The following PDLIM3 variants were observed in gnomAD, a reference collection of about 807,000 sequenced individuals.
PDLIM3 encodes the protein PDZ and LIM domain protein 3.
In PDLIM3, 36 loss-of-function variants were observed where a neutral mutation model predicts 37.3. The observed-to-expected ratio is 0.97, with a 90% CI of 0.74 to 1.28. The LOEUF (loss-of-function observed/expected upper bound fraction) is 1.28, where lower values mean the gene tolerates loss of function less well. Ranked by LOEUF, PDLIM3 falls within the 50% of genes most tolerant of loss-of-function variation. PDLIM3 has a pLI of 0.00. For missense variants in PDLIM3, 454 were observed against 485.0 expected (o/e 0.94, Z 0.60); for synonymous variants, 174 against 182.4 (o/e 0.95, Z 0.37).
intron 5 of PDLIM3, among the ~76,000 whole-genome samples, chr4:185,507,256 AT>A (rs2095699212): frequency 1.3e-5 from 2 of 152,216 alleles, no homozygotes; most frequent in Admixed American, 6.5e-5. Flanking sequence ...ACATTTTTAT[AT>A]CTGCTATAAC....
intron 1 of PDLIM3, among the ~76,000 whole-genome samples, chr4:185,532,270 T>C (rs980073533): frequency 6.6e-6 from 1 of 152,234 alleles, no homozygotes; most frequent in Non-Finnish European, 1.5e-5. Context: ...CTACAACACA[T>C]ATGCTCTACT....
At position 185,504,544 on chromosome 4, in the gene PDLIM3, G is replaced by T. The variant is rs150070443; in HGVS notation, c.836C>A (p.Thr279Lys). 4.3e-6 allele frequency: 7 copies of T among 1,613,998 alleles called. No individual in the cohort carries two copies. Among genetic ancestry groups the T allele is most frequent in the Non-Finnish European group, 5.9e-6 (7 of 1,180,028 alleles). ...AGTRSVRAPV[T>K]KVHGGSGGAQ... ...CCCGCCTGAACCGCCATGGACTTTC[G>T]TCACCGGAGCTCTCACACTCCGCGT... Residue 279 changes from threonine (T) to lysine (K), a missense_variant, in exon 7 of 8, where the codon ACG becomes AAG. Transcript: ENST00000284767. This position sits in a 1 kb window ranked among gnomAD's most constrained non-coding sequence, Gnocchi z 4.7.
At chr4:185,529,056 T>C (rs959446096) in intron 1 of PDLIM3, among the ~76,000 whole-genome samples, 5 of 152,128 alleles carry the variant, frequency 3.3e-5, no homozygotes, top group African/African-American at 1.2e-4. Context: ...TTTATTTAGG[T>C]TCATTAGGGT....
At position 185,501,979 on chromosome 4, in the gene PDLIM3, T is replaced by G. The variant is rs1212271246; in HGVS notation, c.*315A>C. On this transcript the variant is annotated 3_prime_UTR_variant, in exon 8 of 8. Transcript: ENST00000284767. Reference sequence around the variant, plus strand: ...GACAATTAGAGTCCTTCAAATATCTTGATGTTTATGTGTTTGATGGCTGTA... The same window carrying G: ...GACAATTAGAGTCCTTCAAATATCTGGATGTTTATGTGTTTGATGGCTGTA... The G allele has an allele frequency of 7.6e-6, 3 of 397,318 alleles. No homozygotes were observed. The highest frequency in any genetic ancestry group is 1.4e-5 in the Non-Finnish European group (3 of 211,378). The allele number at this position is 397,318 out of a possible 1,614,324, so 24.6% of individuals were successfully genotyped here.
chr4:185,513,953 A>G, intron 4 of PDLIM3: 1 of 1,238,352 alleles, frequency 8.1e-7, no homozygotes, highest in Non-Finnish European at 1.0e-6. Flanking sequence ...GACCTGGGAT[A>G]GACATACTGA....
At chr4:185,506,164 T>A (rs2095696661) in intron 6 of PDLIM3, among the ~76,000 whole-genome samples, 1 of 152,232 alleles carries the variant, frequency 6.6e-6, no homozygotes. Flanking sequence ...GAGCATTGTT[T>A]AGTTTTTGAT....
chr4:185,508,493 A>G lies in PDLIM3; in HGVS notation c.468T>C (p.Val156=). 1 of 1,614,146 alleles carries G rather than the reference A, an allele frequency of 6.2e-7. No homozygotes were observed. ...TCAAGTCACCTGGGCAAATGGTACT[A>G]ACAGTACTGACAGAAGAAGGGGTGC... ...GRSTPSSVST[V]STICPGDLKV... is the part of the protein sequence containing the mutation. The change falls in exon 5 of 8, where the codon GTT becomes GTC. Residue 156 remains valine, a synonymous_variant. Transcript: ENST00000284767.
chr4:185,524,250 A>G (rs2095728778), intron 2 of PDLIM3, among the ~76,000 whole-genome samples: 1 of 152,184 alleles, frequency 6.6e-6, no homozygotes, highest in African/African-American at 2.4e-5. Context: ...CGGCATGAAC[A>G]CAGGTTATGC....
chr4:185,514,361 G>A lies in PDLIM3; in HGVS notation c.331-24C>T, dbSNP rs1418246432. 6.2e-7 allele frequency: 1 copy of A among 1,614,088 alleles called. No homozygotes were observed. Among genetic ancestry groups the A allele is most frequent in the Non-Finnish European group, 8.5e-7 (1 of 1,180,016 alleles). ...TCCTGTGAAAACAAAGCGTTAAAAA[G>A]GCCCTCAGTGGAAGGCGGACACTGT... On this transcript the variant is annotated intron_variant, in intron 3 of 7. Transcript: ENST00000284767. This position sits in a 1 kb window ranked among gnomAD's most constrained non-coding sequence, Gnocchi z 4.0.
Position 185,523,361 on chromosome 4 carries a change from CCTGTGGTTCTGATT to C in PDLIM3, c.317_330del (p.Glu106GlyfsTer6), listed in dbSNP as rs1340581554. On this transcript the variant is annotated frameshift_variant and splice_region_variant, in exon 3 of 8. Coordinates refer to ENST00000284767, the MANE Select transcript of PDLIM3 (RefSeq NM_014476.6). LOFTEE classifies it high-confidence loss of function. Reference sequence around the variant, plus strand: ...TGTATCATTTGCTCTAAAACGCATACCTGTGGTTCTGATTCTAAGTTGATTTTGAAAGGATGGGC... The same window carrying C: ...TGTATCATTTGCTCTAAAACGCATACCTAAGTTGATTTTGAAAGGATGGGC... 10 of 1,597,680 alleles carry C rather than the reference CCTGTGGTTCTGATT, an allele frequency of 6.3e-6. No individual in the cohort carries two copies. The highest frequency in any genetic ancestry group is 8.6e-6 in the Non-Finnish European group (10 of 1,165,436).
chr4:185,517,413 AGAATT>A (rs1224158993), intron 3 of PDLIM3: 2 of 141,404 alleles, frequency 1.4e-5, no homozygotes, highest in African/African-American at 5.2e-5. Context: ...CTTTGTAAAT[AGAATT>A]GAATTAATAA....
Position 185,514,703 on chromosome 4 carries a change from T to C in PDLIM3, c.331-366A>G, listed in dbSNP as rs1394522831. On this transcript the variant is annotated intron_variant, in intron 3 of 7. Transcript: ENST00000284767. This position sits in a 1 kb window ranked among gnomAD's most constrained non-coding sequence, Gnocchi z 4.0. ...GGCCAGAACAGAGCCGGATACTTAC[T>C]TTTGAGGTGAGCTAGGAATGAGACC... 6.4e-7 allele frequency: 1 copy of C among 1,551,648 alleles called. No homozygotes were observed. The highest frequency in any genetic ancestry group is 1.4e-5 in the African/African-American group (1 of 73,046).
chr4:185,530,979 CACACACACAT>C (rs55785004), intron 1 of PDLIM3, among the ~76,000 whole-genome samples: 8,535 of 40,778 alleles, frequency 0.21, 295 homozygotes, highest in East Asian at 0.35. Flanking sequence ...CACACACACA[CACACACACAT>C]ACACACACAC....
At chr4:185,511,351 G>A (rs2095706210) in intron 4 of PDLIM3, among the ~76,000 whole-genome samples, 1 of 143,476 alleles carries the variant, frequency 7.0e-6, no homozygotes, top group Non-Finnish European at 1.5e-5. Flanking sequence ...TAACAATTTA[G>A]CATGTCCAAC....
At chr4:185,509,283 T>A (rs1288389832) in intron 4 of PDLIM3, among the ~76,000 whole-genome samples, 1 of 152,184 alleles carries the variant, frequency 6.6e-6, no homozygotes, top group Non-Finnish European at 1.5e-5. Context: ...AAAAAACCAA[T>A]AAATGCTTAT....
rs1159395699 is a variant in PDLIM3, at chr4:185,521,892, A to G, written c.330+1470T>C. Among the ~76,000 whole-genome samples, 4 of 66,002 alleles carry G rather than the reference A, an allele frequency of 6.1e-5. 1 individual carries two copies. The highest frequency in any genetic ancestry group is 1.1e-4 in the African/African-American group (4 of 36,248). 43.3% of individuals were successfully genotyped at this position (66,002 alleles called of 152,430 possible). A position where few individuals can be genotyped will look rare whatever the true frequency, so the allele number is the denominator to read the frequency against. ...ATTGAGCTGGAGGGACTCAGAGGGAAGACAACAGCCTCAAGGTTCCTGCCT... is the reference window on the plus strand; with the variant it reads ...ATTGAGCTGGAGGGACTCAGAGGGAGGACAACAGCCTCAAGGTTCCTGCCT... On this transcript the variant is annotated intron_variant, in intron 3 of 7. Transcript: ENST00000284767.
intron 7 of PDLIM3, among the ~76,000 whole-genome samples, chr4:185,503,184 A>C (rs1012653031): frequency 6.6e-6 from 1 of 152,178 alleles, no homozygotes; most frequent in African/African-American, 2.4e-5. Context: ...AGATCGCGCC[A>C]CTGCACTCCA....
At position 185,501,633 on chromosome 4, in the gene PDLIM3, C is replaced by G. The variant is rs1036904504; in HGVS notation, c.*661G>C. On this transcript the variant is annotated 3_prime_UTR_variant, in exon 8 of 8. Transcript: ENST00000284767. ...TAAGAAAGAGTAATGAGTTATAAAA[C>G]CTGAAGAAGCCACATTTATCTTAAA... The G allele has an allele frequency of 6.6e-6, 1 of 152,658 alleles. No homozygotes were observed. Among genetic ancestry groups the G allele is most frequent in the Non-Finnish European group, 1.5e-5 (1 of 68,430 alleles). 9.5% of individuals were successfully genotyped at this position (152,658 alleles called of 1,614,324 possible).
chr4:185,534,329 GAGA>G (rs35438266), intron 1 of PDLIM3, among the ~76,000 whole-genome samples: 2,367 of 152,278 alleles, frequency 0.016, 60 homozygotes, highest in African/African-American at 0.055. Flanking sequence ...AATATGGCAT[GAGA>G]AGAATACAAG....
Sources: gnomAD v4.1 joint callset for allele counts (sites outside exome capture counted in the v4.1 genomes callset) on GRCh38, gnomAD v4.1.1 for gene constraint, Gnocchi (gnomAD v3.1) non-coding constraint, MANE v1.5 for transcripts, NCBI Gene and HGNC (gene_info 2026-07-23, HGNC 2026-07-21) for gene names.